The following SEZ6L variants were observed in gnomAD, a reference collection of about 807,000 sequenced individuals.
SEZ6L encodes the protein seizure related 6 homolog like.
In SEZ6L, 37 loss-of-function variants were observed where a neutral mutation model predicts 106.2. That is an observed-to-expected ratio of 0.35 (90% CI 0.27 to 0.46). SEZ6L has a LOEUF of 0.46. Among genes scored for constraint, SEZ6L ranks in the 20% least tolerant of loss-of-function variants. The pLI is 1.00. For missense variants in SEZ6L, 1,172 were observed against 1,332.8 expected, an observed-to-expected ratio of 0.88 and a Z score of 1.88; for synonymous variants, 541 against 570.4, an observed-to-expected ratio of 0.95 and a Z score of 0.73.
intron 13 of SEZ6L, among the ~76,000 whole-genome samples, chr22:26,371,334 C>T (rs1162061406): frequency 1.3e-5 from 2 of 152,014 alleles, no homozygotes; most frequent in African/African-American, 2.4e-5. Flanking sequence ...GTCACCAAAT[C>T]GTTTCCCACA....
chr22:26,382,597 C>T lies in SEZ6L; in HGVS notation c.*2302C>T, dbSNP rs2084443785. ...CAGTTCTGTCTTAGTAGTACCACAC[C>T]CGTAACCGTGTTTTAAAAGTTTGTT... On this transcript the variant is annotated 3_prime_UTR_variant, in exon 17 of 17. Coordinates refer to ENST00000248933, the MANE Select transcript of SEZ6L (RefSeq NM_021115.5). 6.6e-6 allele frequency: 1 copy of T among 151,906 alleles called. No individual in the cohort carries two copies. The highest frequency in any genetic ancestry group is 1.5e-5 in the Non-Finnish European group (1 of 68,092). The allele number at this position is 151,906 out of a possible 1,614,324, so 9.4% of individuals were successfully genotyped here.
chr22:26,288,144 A>G (rs973166804), intron 1 of SEZ6L, among the ~76,000 whole-genome samples: 30 of 152,206 alleles, frequency 2.0e-4, no homozygotes, highest in Admixed American at 4.6e-4. Flanking sequence ...GGGAGATCAC[A>G]AGCCTTGGAA....
At chr22:26,322,539 A>T (rs1435035682) in intron 9 of SEZ6L, among the ~76,000 whole-genome samples, 2 of 152,180 alleles carry the variant, frequency 1.3e-5, no homozygotes, top group Non-Finnish European at 2.9e-5. Flanking sequence ...GAATTATGGA[A>T]ATATCCCTGA....
chr22:26,256,175 G>T (rs77528815), intron 1 of SEZ6L, among the ~76,000 whole-genome samples: 5 of 152,196 alleles, frequency 3.3e-5, no homozygotes, highest in African/African-American at 7.2e-5. Context: ...AAGGAAATGC[G>T]TAAGAGACTA....
intron 11 of SEZ6L, among the ~76,000 whole-genome samples, chr22:26,348,229 C>T (rs529437202): frequency 6.6e-6 from 1 of 152,062 alleles, no homozygotes; most frequent in African/African-American, 2.4e-5. Context: ...GGTGTAGTGG[C>T]TCATGCCTGT....
rs778181795 is a variant in SEZ6L at position 26,306,038 on chromosome 22, C to G, written c.1408C>G (p.Pro470Ala). 6 of 1,614,130 alleles carry G rather than the reference C, an allele frequency of 3.7e-6. No individual in the cohort carries two copies. Among genetic ancestry groups the G allele is most frequent in the Admixed American group, 1.7e-5 (1 of 60,024 alleles). The change falls in exon 6 of 17, where the codon CCT becomes GCT. Residue 470 changes from proline (P) to alanine (A), a missense_variant. Around this residue, in one of 4 missense-constraint regions of SEZ6L, gnomAD observed 534 missense variants for 691.0 expected, o/e 0.77. Transcript: ENST00000248933. ...TIGRVLSPSYPENTNGSQFCI... is the reference protein window; with the variant it reads ...TIGRVLSPSYAENTNGSQFCI... The stretch of plus-strand genomic sequence containing the variant: ...CGGCCGCGTCCTCTCCCCAAGTTAC[C>G]CTGAAAACACAAATGGGAGCCAATT...
intron 1 of SEZ6L, among the ~76,000 whole-genome samples, chr22:26,183,274 T>A (rs536348739): frequency 3.3e-5 from 5 of 152,360 alleles, no homozygotes; most frequent in African/African-American, 1.2e-4. Context: ...AATCACTTGA[T>A]AAGTACTAGG....
At chr22:26,371,402 G>A (rs867024582) in intron 13 of SEZ6L, among the ~76,000 whole-genome samples, 3 of 151,998 alleles carry the variant, frequency 2.0e-5, no homozygotes, top group Non-Finnish European at 2.9e-5. Flanking sequence ...CCACCTCCTC[G>A]CCAGCACTGT....
chr22:26,251,846 C>T (rs2079602104), intron 1 of SEZ6L, among the ~76,000 whole-genome samples: 1 of 152,176 alleles, frequency 6.6e-6, no homozygotes, highest in African/African-American at 2.4e-5. Flanking sequence ...AAGGAGTGGT[C>T]CTGTGTGTGG....
At chr22:26,222,549 G>T (rs146710134) in intron 1 of SEZ6L, among the ~76,000 whole-genome samples, 18 of 151,952 alleles carry the variant, frequency 1.2e-4, no homozygotes, top group African/African-American at 1.7e-4. Context: ...AATCCTAAAG[G>T]CTAGGTATTA....
intron 1 of SEZ6L, among the ~76,000 whole-genome samples, chr22:26,171,827 G>A (rs1020254105): frequency 6.6e-6 from 1 of 152,156 alleles, no homozygotes; most frequent in South Asian, 2.1e-4. Flanking sequence ...TGCCGAGTCT[G>A]ATGGTGCATT....
At chr22:26,270,105 T>C (rs534058077) in intron 1 of SEZ6L, among the ~76,000 whole-genome samples, 1 of 152,310 alleles carries the variant, frequency 6.6e-6, no homozygotes, top group East Asian at 1.9e-4. Flanking sequence ...GACAATTTCA[T>C]TCTTCTGAAC....
Position 26,310,781 on chromosome 22 carries a change from C to G in SEZ6L, c.1626C>G (p.Ile542Met), listed in dbSNP as rs144295883. The G allele has an allele frequency of 6.2e-7, 1 of 1,614,150 alleles. No individual in the cohort carries two copies. ...TGAGCGAAGGCAACACCATCCGCAT[C>G]GAGTTCACGTCCGACCAGGCCCGGG... is the stretch of plus-strand genomic sequence containing the variant. ...GLLSEGNTIR[I>M]EFTSDQARAA... The change falls in exon 7 of 17, where the codon ATC (isoleucine) becomes ATG (methionine). Residue 542 changes from isoleucine (I) to methionine (M), a missense_variant. By Grantham distance (10) the Ile-to-Met change is conservative. Coordinates refer to ENST00000248933, the MANE Select transcript of SEZ6L (RefSeq NM_021115.5).
chr22:26,354,151 G>T (rs1333184114), intron 12 of SEZ6L, among the ~76,000 whole-genome samples: 2 of 152,194 alleles, frequency 1.3e-5, no homozygotes, highest in Non-Finnish European at 2.9e-5. Context: ...GAACTTCAAA[G>T]TTCTAACCCA....
At chr22:26,276,540 T>C (rs922465591) in intron 1 of SEZ6L, among the ~76,000 whole-genome samples, 5 of 152,254 alleles carry the variant, frequency 3.3e-5, no homozygotes, top group African/African-American at 1.2e-4. Flanking sequence ...TTCCAAGTAT[T>C]ATAATTCTCT....
intron 1 of SEZ6L, among the ~76,000 whole-genome samples, chr22:26,276,268 C>T (rs942047942): frequency 3.9e-5 from 6 of 152,198 alleles, no homozygotes; most frequent in Non-Finnish European, 7.4e-5. Flanking sequence ...AGATCACTGT[C>T]CAAACTTTAC....
chr22:26,228,534 G>A lies in SEZ6L; in HGVS notation c.94+58771G>A, dbSNP rs186763045. Among the ~76,000 whole-genome samples the A allele has an allele frequency of 3.3e-4, 50 of 152,306 alleles. No individual in the cohort carries two copies. The East Asian group carries it at 8.5e-3, about 26-fold the overall frequency. On this transcript the variant is annotated intron_variant, in intron 1 of 16. Transcript: ENST00000248933. ...ACCCAGTGGAGAAGAGGACAAAACC[G>A]TTCAGCCCTCTATGCCTCCTCATGC...
At chr22:26,360,309 A>G (rs889874018) in intron 12 of SEZ6L, among the ~76,000 whole-genome samples, 3 of 152,124 alleles carry the variant, frequency 2.0e-5, no homozygotes, top group African/African-American at 7.2e-5. Context: ...TTTATCCTTT[A>G]TGCACCTTCC....
At chr22:26,251,485 A>T (rs1018097871) in intron 1 of SEZ6L, among the ~76,000 whole-genome samples, 1 of 152,244 alleles carries the variant, frequency 6.6e-6, no homozygotes, top group Non-Finnish European at 1.5e-5. Context: ...AAGCATCAGC[A>T]AGTGCTGCAT....
Sources: gnomAD v4.1 joint callset for allele counts (sites outside exome capture counted in the v4.1 genomes callset) on GRCh38, gnomAD v4.1.1 for gene constraint, gnomAD v4.1.1 regional missense constraint, MANE v1.5 for transcripts, NCBI Gene and HGNC (gene_info 2026-07-23, HGNC 2026-07-21) for gene names.